The following UNC80 variants were observed in gnomAD, a reference collection of about 807,000 sequenced individuals.
UNC80 encodes the protein protein unc-80 homolog.
A neutral mutation model predicts 384.6 loss-of-function variants in UNC80; 164 were observed. That is an observed-to-expected ratio of 0.43 (90% CI 0.38 to 0.49). The LOEUF is 0.49. Ranked by LOEUF, UNC80 falls within the 20% of genes least tolerant of loss-of-function variation. UNC80 has a pLI of 0.00. For missense variants in UNC80, 3,330 were observed against 4,143.0 expected (o/e 0.80, Z 5.39); for synonymous variants, 1,486 against 1,527.8 (o/e 0.97, Z 0.64).
intron 7 of UNC80, among the ~76,000 whole-genome samples, chr2:209,804,108 A>G (rs2078732454): frequency 6.6e-6 from 1 of 152,038 alleles, no homozygotes. Flanking sequence ...CTCATCTATT[A>G]CCTATGAGAT....
chr2:209,774,186 A>T (rs551943843), intron 2 of UNC80, among the ~76,000 whole-genome samples: 1 of 152,342 alleles, frequency 6.6e-6, no homozygotes, highest in African/African-American at 2.4e-5. Flanking sequence ...AAAGTTAAAC[A>T]CATACATGCC....
rs2092086137 is a variant in UNC80 at position 209,949,877 on chromosome 2, G to C, written c.7286+3934G>C. Among the ~76,000 whole-genome samples the C allele has an allele frequency of 2.0e-5, 3 of 151,600 alleles. No individual in the cohort carries two copies. In the South Asian group the frequency reaches 6.3e-4, roughly 32 times the overall value. On this transcript the variant is annotated intron_variant, in intron 47 of 64. Transcript: ENST00000673920. ...GGGTCTTGTTCTGTTGCCAAGGTTG[G>C]AGTGCAGTGTCACAATCATGGCCCA... is the stretch of plus-strand genomic sequence containing the variant.
intron 5 of UNC80, among the ~76,000 whole-genome samples, chr2:209,789,033 C>A (rs1323340639): frequency 6.6e-6 from 1 of 152,152 alleles, no homozygotes; most frequent in African/African-American, 2.4e-5. Flanking sequence ...AATACAGTAA[C>A]ATACTGTACA....
chr2:209,983,253 C>T (rs373416084), intron 60 of UNC80, among the ~76,000 whole-genome samples: 80 of 152,142 alleles, frequency 5.3e-4, no homozygotes, highest in African/African-American at 1.8e-3. Flanking sequence ...GCAAATGGTT[C>T]GTGAACTACA....
intron 61 of UNC80, among the ~76,000 whole-genome samples, chr2:209,988,141 A>G (rs2093325878): frequency 6.6e-6 from 1 of 152,200 alleles, no homozygotes; most frequent in Non-Finnish European, 1.5e-5. Context: ...GATTTAGTCT[A>G]CTGCGTATTT....
chr2:209,939,345 A>C, intron 42 of UNC80, 127 bp from the exon 43 acceptor site: 1 of 947,594 alleles, frequency 1.1e-6, no homozygotes, highest in Non-Finnish European at 1.5e-6. Flanking sequence ...CCCTCATTTC[A>C]CTTTTTCCCC....
chr2:209,912,595 A>G lies in UNC80; in HGVS notation c.4818A>G (p.Leu1606=). 2 of 1,551,524 alleles carry G rather than the reference A, an allele frequency of 1.3e-6. No homozygotes were observed. The highest frequency in any genetic ancestry group is 1.4e-5 in the African/African-American group (1 of 73,146). The change falls in exon 30 of 65, where the codon CTA becomes CTG. Residue 1606 remains leucine (L), a synonymous_variant. Coordinates refer to ENST00000673920, the MANE Select transcript of UNC80 (RefSeq NM_001371986.1). ...SDKSCLRTPS[L]KKRVSDANLE... ...AGTCATGCCTGAGGACACCTTCTCT[A>G]AAGAAGAGAGTTTCAGATGCCAATC...
intron 53 of UNC80, 84 bp downstream of exon 53, chr2:209,969,975 A>G: frequency 6.7e-7 from 1 of 1,501,376 alleles, no homozygotes; most frequent in Non-Finnish European, 8.9e-7. Flanking sequence ...TTTACAGGTC[A>G]ACCACTTTGT....
intron 7 of UNC80, among the ~76,000 whole-genome samples, chr2:209,807,590 C>A (rs1470674208): frequency 6.6e-6 from 1 of 151,830 alleles, no homozygotes; most frequent in Non-Finnish European, 1.5e-5. Context: ...GTCTCGATCT[C>A]CTGACCTCGT....
chr2:209,881,389 C>G (rs1315664108), intron 25 of UNC80, among the ~76,000 whole-genome samples: 1 of 152,088 alleles, frequency 6.6e-6, no homozygotes, highest in East Asian at 1.9e-4. Context: ...TTCCTTTACT[C>G]TGAAAATATG....
At chr2:209,859,766 A>T (rs1310772356) in intron 22 of UNC80, among the ~76,000 whole-genome samples, 1 of 152,110 alleles carries the variant, frequency 6.6e-6, no homozygotes, top group Non-Finnish European at 1.5e-5. Context: ...TCCGATTTGC[A>T]TTTCTCTGAT....
At chr2:209,871,927 A>G (rs2084335048) in intron 22 of UNC80, among the ~76,000 whole-genome samples, 1 of 151,676 alleles carries the variant, frequency 6.6e-6, no homozygotes, top group African/African-American at 2.4e-5. Context: ...TTCAATTAAA[A>G]CCATGCCTAT....
chr2:209,917,901 G>A lies in UNC80; in HGVS notation c.5154G>A (p.Trp1718Ter). The stretch of plus-strand genomic sequence containing the variant: ...CTGTCCTCAAGTTCCACACGCTCTG[G>A]AGGTTTCGCTATCAGGTCTGGCCCC... ...LNAVLKFHTL[W>*]RFRYQVWPRM... The change falls in exon 32 of 65, where the codon TGG (tryptophan) becomes TGA (stop). Residue 1718 changes from tryptophan to a stop codon, truncating the protein, a stop_gained. Transcript: ENST00000673920. LOFTEE classifies it high-confidence loss of function. 6.4e-7 allele frequency: 1 copy of A among 1,551,742 alleles called. No homozygotes were observed. Among genetic ancestry groups the A allele is most frequent in the Non-Finnish European group, 8.7e-7 (1 of 1,147,002 alleles).
intron 7 of UNC80, among the ~76,000 whole-genome samples, chr2:209,798,807 A>G (rs1290969186): frequency 6.7e-6 from 1 of 148,336 alleles, no homozygotes; most frequent in Non-Finnish European, 1.5e-5. Flanking sequence ...CCTGCCGAGT[A>G]GCTGGGACTA....
In UNC80 at chr2:209,834,089, C is replaced by T. The variant is rs1234284446; in HGVS notation, c.2863C>T (p.Leu955Phe). ...VFRRVALSALLDSAEKLAPGK... is the reference protein window; with the variant it reads ...VFRRVALSALFDSAEKLAPGK... ...CAGGAGAGTGGCCCTCAGCGCTCTG[C>T]TTGACAGTGCCGAGAAGTTAGCACC... The change falls in exon 17 of 65, where the codon CTT becomes TTT. Residue 955 changes from leucine (L) to phenylalanine (F), a missense_variant. Coordinates refer to ENST00000673920, the MANE Select transcript of UNC80 (RefSeq NM_001371986.1). 1 of 1,551,662 alleles carries T rather than the reference C, an allele frequency of 6.4e-7. No individual in the cohort carries two copies. The highest frequency in any genetic ancestry group is 2.4e-5 in the East Asian group (1 of 40,908).
At chr2:209,985,160 T>C (rs1319305019) in intron 61 of UNC80, among the ~76,000 whole-genome samples, 1 of 152,218 alleles carries the variant, frequency 6.6e-6, no homozygotes, top group Non-Finnish European at 1.5e-5. Context: ...AAAAAAATTA[T>C]AGAATTCTTT....
intron 61 of UNC80, among the ~76,000 whole-genome samples, chr2:209,986,150 G>A (rs368760215): frequency 1.8e-4 from 28 of 152,308 alleles, no homozygotes; most frequent in African/African-American, 6.7e-4. Context: ...CACGGTGTTG[G>A]AAGAGATCTG....
At chr2:209,938,031 T>C (rs958089691) in intron 42 of UNC80, among the ~76,000 whole-genome samples, 6 of 152,144 alleles carry the variant, frequency 3.9e-5, no homozygotes, top group African/African-American at 1.4e-4. Context: ...CACTCTAGTA[T>C]GCTTGAAAAA....
At chr2:209,843,438 A>T (rs981822744) in intron 21 of UNC80, among the ~76,000 whole-genome samples, 1 of 152,158 alleles carries the variant, frequency 6.6e-6, no homozygotes, top group Non-Finnish European at 1.5e-5. Flanking sequence ...ATGAAAATTT[A>T]TTATTTCATT....
Sources: gnomAD v4.1 joint callset for allele counts (sites outside exome capture counted in the v4.1 genomes callset) on GRCh38, gnomAD v4.1.1 for gene constraint, MANE v1.5 for transcripts, NCBI Gene and HGNC (gene_info 2026-07-23, HGNC 2026-07-21) for gene names.